Variants in ITGA11 observed in about 807,000 individuals in gnomAD.
ITGA11 encodes integrin alpha-11.
Under a neutral mutation model 141.9 loss-of-function variants are expected in ITGA11, and 97 were observed. The ratio of observed to expected loss-of-function variants is 0.68; its 90% confidence interval spans 0.58 to 0.81. The LOEUF is 0.81. Among genes scored for constraint, ITGA11 ranks in the 30% least tolerant of loss-of-function variants. The pLI, the probability that ITGA11 is intolerant of heterozygous loss-of-function variation, is 0.00. For synonymous variants in ITGA11, 658 were observed against 624.6 expected (o/e 1.05, Z -0.80); for missense variants, 1,387 against 1,559.2 (o/e 0.89, Z 1.86).
At chr15:68,368,424 T>C (rs8038774) in intron 3 of ITGA11, among the ~76,000 whole-genome samples, 152,138 of 152,386 alleles carry the variant, frequency 1, 75,945 homozygotes, top group Middle Eastern at 1. Context: ...CTGGTGTGTG[T>C]GCTTAGTGGA....
rs1170503219 is a variant in ITGA11 at position 68,303,852 on chromosome 15, G to A, written c.3415C>T (p.Gln1139Ter). 2 of 1,612,878 alleles carry A rather than the reference G, an allele frequency of 1.2e-6. No homozygotes were observed. The highest frequency in any genetic ancestry group is 1.7e-6 in the Non-Finnish European group (2 of 1,179,216). The change falls in exon 29 of 30, where the codon CAG becomes TAG. Residue 1139 changes from glutamine to a stop codon, truncating the protein, a stop_gained. Transcript: ENST00000315757. LOFTEE classifies it high-confidence loss of function. This position sits in a 1 kb window ranked among gnomAD's most constrained non-coding sequence, Gnocchi z 5.3. ...CCTACAATGATCCAGATGGGGACCT[G>A]CCAGTCCTCTTGCTTGGAGATCTCA... ...VFEISKQEDW[Q>*]VPIWIIVGST...
At chr15:68,402,295 A>G (rs1896531276) in intron 2 of ITGA11, among the ~76,000 whole-genome samples, 1 of 152,176 alleles carries the variant, frequency 6.6e-6, no homozygotes, top group Non-Finnish European at 1.5e-5. Context: ...TGATAAAAAT[A>G]TTCTAAAACT....
chr15:68,384,644 C>T (rs1895940796), intron 2 of ITGA11, among the ~76,000 whole-genome samples: 1 of 152,236 alleles, frequency 6.6e-6, no homozygotes, highest in Non-Finnish European at 1.5e-5. Context: ...CTCTATCTCT[C>T]CCTCTATCTC....
chr15:68,389,580 G>A (rs68083075), intron 2 of ITGA11, among the ~76,000 whole-genome samples: 11,270 of 152,248 alleles, frequency 0.074, 840 homozygotes, highest in African/African-American at 0.19. Flanking sequence ...CAGTTGCTTT[G>A]CCTGTAAAAT....
intron 1 of ITGA11, among the ~76,000 whole-genome samples, chr15:68,404,353 CT>C (rs1239300756): frequency 3.3e-5 from 5 of 152,176 alleles, no homozygotes; most frequent in African/African-American, 1.2e-4. Flanking sequence ...AGAAAAAGCC[CT>C]ATGACCCTTT....
Position 68,325,323 on chromosome 15 carries a change from C to T in ITGA11, c.2212-82G>A. 2.2e-6 allele frequency: 2 copies of T among 927,324 alleles called. No homozygotes were observed. The highest frequency in any genetic ancestry group is 2.5e-5 in the East Asian group (1 of 40,320). 57.4% of individuals were successfully genotyped at this position (927,324 alleles called of 1,614,324 possible). A position where few individuals can be genotyped will look rare whatever the true frequency, so the allele number is the denominator to read the frequency against. On this transcript the variant is annotated intron_variant, in intron 17 of 29. Coordinates refer to ENST00000315757, the MANE Select transcript of ITGA11 (RefSeq NM_001004439.2). The surrounding 1 kb of genome is among the most constrained non-coding windows in gnomAD (Gnocchi z 5.5). ...CAGGACCGTGGATGCTGAGATAGAA[C>T]TTCCACCTTCCTTAGATGGCAGGGC...
chr15:68,397,697 A>G (rs959647218), intron 2 of ITGA11, among the ~76,000 whole-genome samples: 1 of 46,454 alleles, frequency 2.2e-5, no homozygotes, highest in African/African-American at 9.8e-5. Context: ...TTAAAATATT[A>G]TATTTAAAAT....
rs1892925257 is a variant in ITGA11 at position 68,297,087 on chromosome 15, G to A, written c.*5972C>T. On this transcript the variant is annotated 3_prime_UTR_variant, in exon 30 of 30. Transcript: ENST00000315757. ...CCCAAGTAGCTGGGACTACAGGTAT[G>A]TGCCACCATGCCCAGCTAATTCTTT... 6.6e-6 allele frequency: 1 copy of A among 152,060 alleles called. No homozygotes were observed. The highest frequency in any genetic ancestry group is 2.4e-5 in the African/African-American group (1 of 41,364). The allele number at this position is 152,060 out of a possible 1,614,324, so 9.4% of individuals were successfully genotyped here. A position where few individuals can be genotyped will look rare whatever the true frequency, so the allele number is the denominator to read the frequency against.
At chr15:68,401,123 T>G (rs1394487567) in intron 2 of ITGA11, among the ~76,000 whole-genome samples, 1 of 150,144 alleles carries the variant, frequency 6.7e-6, no homozygotes, top group Non-Finnish European at 1.5e-5. Flanking sequence ...ACATCATTAG[T>G]AAATAGAGAA....
At chr15:68,363,169 G>A (rs576297888) in intron 4 of ITGA11, among the ~76,000 whole-genome samples, 3,488 of 152,286 alleles carry the variant, frequency 0.023, 55 homozygotes, top group South Asian at 0.035. Context: ...TGGTTGGATA[G>A]ATGAATGGAG....
chr15:68,312,795 G>A lies in ITGA11; in HGVS notation c.2951C>T (p.Pro984Leu), dbSNP rs201932761. The A allele has an allele frequency of 1.6e-4, 256 of 1,613,410 alleles. No individual in the cohort carries two copies. The highest frequency in any genetic ancestry group is 1.2e-4 in the Non-Finnish European group (144 of 1,179,576). ...CACCCTGAAGATGCAGCTGAAGGGAGGCCCGATACCATCGTATCTCTCCAG... is the reference window on the plus strand; with the variant it reads ...CACCCTGAAGATGCAGCTGAAGGGAAGCCCGATACCATCGTATCTCTCCAG... ...SSLERYDGIG[P>L]PFSCIFRIQN... Residue 984 changes from proline (P) to leucine (L), a missense_variant, in exon 24 of 30, where the codon CCT becomes CTT. Physicochemically the swap from Pro to Leu is moderately conservative, Grantham distance 98. Coordinates refer to ENST00000315757, the MANE Select transcript of ITGA11 (RefSeq NM_001004439.2).
Position 68,367,828 on chromosome 15 carries a change from C to T in ITGA11, c.265+1356G>A, listed in dbSNP as rs184824747. On this transcript the variant is annotated intron_variant, in intron 3 of 29. Transcript: ENST00000315757. ...AGGCTCAGAGAGAGGATGTGAACTC[C>T]GCATGGACACACAGCAAAGAATTTG... Among the ~76,000 whole-genome samples the T allele has an allele frequency of 3.2e-4, 49 of 152,302 alleles. No individual in the cohort carries two copies. In the East Asian group the frequency reaches 6.8e-3, roughly 21 times the overall value.
chr15:68,372,210 C>G (rs534465817), intron 2 of ITGA11, among the ~76,000 whole-genome samples: 1 of 152,144 alleles, frequency 6.6e-6, no homozygotes, highest in Admixed American at 6.5e-5. Context: ...GCCTGTTGGG[C>G]TTGAGGTTTG....
rs890259770 is a variant in ITGA11, at chr15:68,322,294, G to C, written c.2323-791C>G. Among the ~76,000 whole-genome samples the C allele has an allele frequency of 1.3e-5, 2 of 152,180 alleles. No individual in the cohort carries two copies. On this transcript the variant is annotated intron_variant, in intron 18 of 29. Transcript: ENST00000315757. This position sits in a 1 kb window ranked among gnomAD's most constrained non-coding sequence, Gnocchi z 5.6. ...AGGCAGGGAATGTCCTGACAGACCT[G>C]CATGCTGAAGGCTGCCCTGGCTGCT...
chr15:68,383,905 G>A (rs1895921025), intron 2 of ITGA11, among the ~76,000 whole-genome samples: 1 of 152,212 alleles, frequency 6.6e-6, no homozygotes, highest in Non-Finnish European at 1.5e-5. Flanking sequence ...TGGTGGGGGA[G>A]TGGGAAGAGA....
In ITGA11 at chr15:68,390,703, G is replaced by A. The variant is rs181837629; in HGVS notation, c.164+12215C>T. On this transcript the variant is annotated intron_variant, in intron 2 of 29. Coordinates refer to ENST00000315757, the MANE Select transcript of ITGA11 (RefSeq NM_001004439.2). ...AGTGGCCTGCAGTGACTCAATCCTCGTTTCCTGTTTTACTGATTACAAAAT... is the reference window on the plus strand; with the variant it reads ...AGTGGCCTGCAGTGACTCAATCCTCATTTCCTGTTTTACTGATTACAAAAT... Among the ~76,000 whole-genome samples the A allele has an allele frequency of 1.1e-4, 17 of 152,266 alleles. No individual in the cohort carries two copies. In the East Asian group the frequency reaches 1.3e-3, roughly 12 times the overall value.
At chr15:68,392,015 G>A (rs1478199807) in intron 2 of ITGA11, among the ~76,000 whole-genome samples, 1 of 152,164 alleles carries the variant, frequency 6.6e-6, no homozygotes, top group African/African-American at 2.4e-5. Context: ...CCTTAATTCA[G>A]TCTGTCAAAG....
In ITGA11 at chr15:68,358,552, A is replaced by G. The variant is rs1182172212; in HGVS notation, c.506T>C (p.Leu169Pro). Residue 169 changes from leucine (L) to proline (P), a missense_variant, in exon 6 of 30, where the codon CTG becomes CCG. By Grantham distance (98) the Leu-to-Pro change is moderately conservative. Coordinates refer to ENST00000315757, the MANE Select transcript of ITGA11 (RefSeq NM_001004439.2). ...GGGGTAGATGCTGTTGGAGCCATCC[A>G]GGACAATGACGATGTCCATGTAGGT... ...CQTYMDIVIV[L>P]DGSNSIYPWV... The G allele has an allele frequency of 1.2e-6, 2 of 1,614,058 alleles. No homozygotes were observed. The highest frequency in any genetic ancestry group is 1.7e-6 in the Non-Finnish European group (2 of 1,179,962).
Position 68,358,478 on chromosome 15 carries a change from T to A in ITGA11, c.580A>T (p.Ile194Phe). The A allele has an allele frequency of 6.2e-7, 1 of 1,612,518 alleles. No homozygotes were observed. The highest frequency in any genetic ancestry group is 8.5e-7 in the Non-Finnish European group (1 of 1,179,412). Reference sequence around the variant, plus strand: ...CTCACCTGGATCTGCCCTGGGCCAATGTAAAACTTTTTCAGGATGTTGATG... The same window carrying A: ...CTCACCTGGATCTGCCCTGGGCCAAAGTAAAACTTTTTCAGGATGTTGATG... ...FLINILKKFY[I>F]GPGQIQVGVV... is the part of the protein sequence containing the mutation. The change falls in exon 6 of 30, where the codon ATT (isoleucine) becomes TTT (phenylalanine). Residue 194 changes from isoleucine (I) to phenylalanine (F), a missense_variant. Transcript: ENST00000315757.
Sources: allele counts gnomAD v4.1 joint callset (sites outside exome capture counted in the v4.1 genomes callset), GRCh38; gene constraint gnomAD v4.1.1; non-coding constraint Gnocchi (gnomAD v3.1); transcripts MANE v1.5; gene names NCBI Gene and HGNC (gene_info 2026-07-23, HGNC 2026-07-21).